FHIT: variants seen among roughly 807,000 people sequenced by gnomAD.
The protein encoded by FHIT is fragile histidine triad diadenosine triphosphatase.
FHIT carries 19 observed loss-of-function variants against 17.9 expected under a neutral mutation model. That is an observed-to-expected ratio of 1.06 (90% CI 0.74 to 1.56). The LOEUF is 1.56. Among genes scored for constraint, FHIT ranks in the 40% most tolerant of loss-of-function variants. The probability of loss-of-function intolerance (pLI) is 0.00; values close to 1 mark genes in which losing one functional copy is unlikely to be tolerated. For synonymous variants in FHIT, 81 were observed against 69.7 expected, an observed-to-expected ratio of 1.16 and a Z score of -0.81; for missense variants, 248 against 189.2, an observed-to-expected ratio of 1.31 and a Z score of -1.82.
At chr3:60,176,505 A>G (rs560698574) in intron 5 of FHIT, among the ~76,000 whole-genome samples, 91 of 152,350 alleles carry the variant, frequency 6.0e-4, no homozygotes, top group Middle Eastern at 6.8e-3. Flanking sequence ...AAGCATGTGT[A>G]GTACAGGCAT....
At chr3:60,405,230 C>G (rs755229190) in intron 5 of FHIT, among the ~76,000 whole-genome samples, 5 of 152,218 alleles carry the variant, frequency 3.3e-5, no homozygotes, top group Non-Finnish European at 5.9e-5. Flanking sequence ...TGAACCCACC[C>G]TTCACCTATT....
intron 2 of FHIT, among the ~76,000 whole-genome samples, chr3:61,157,973 G>A (rs919814283): frequency 3.9e-5 from 6 of 152,078 alleles, no homozygotes; most frequent in African/African-American, 1.4e-4. Context: ...GTTTATGCCT[G>A]TTATATTATG....
chr3:60,567,137 A>G (rs1313141752), intron 4 of FHIT, among the ~76,000 whole-genome samples: 1 of 152,078 alleles, frequency 6.6e-6, no homozygotes, highest in Non-Finnish European at 1.5e-5. Context: ...ACCAAAAAAG[A>G]GCCCACACTG....
At position 60,622,728 on chromosome 3, in the gene FHIT, C is replaced by T. The variant is rs561261351; in HGVS notation, c.-17-85749G>A. Among the ~76,000 whole-genome samples the T allele has an allele frequency of 9.2e-5, 14 of 152,274 alleles. 1 individual carries two copies. In the East Asian group the frequency reaches 9.7e-4, roughly 11 times the overall value. ...TTGGGGTTTTTTGGTTGGAGGGAGG[C>T]ATTTCTAGAGAAAGCATGCCTGCTT... On this transcript the variant is annotated intron_variant, in intron 4 of 9. Coordinates refer to ENST00000492590, the MANE Select transcript of FHIT (RefSeq NM_002012.4).
At chr3:59,933,896 A>G (rs1706095769) in intron 7 of FHIT, among the ~76,000 whole-genome samples, 1 of 152,202 alleles carries the variant, frequency 6.6e-6, no homozygotes, top group African/African-American at 2.4e-5. Flanking sequence ...GAAAGTTTTT[A>G]AAGAATGGGC....
chr3:60,271,618 G>A lies in FHIT; in HGVS notation c.104-257466C>T, dbSNP rs151107032. On this transcript the variant is annotated intron_variant, in intron 5 of 9. Coordinates refer to ENST00000492590, the MANE Select transcript of FHIT (RefSeq NM_002012.4). ...TGTCTCTATGCACTATCAAGTGCAC[G>A]GAAAGTATAGAGGTCAATGTATGGC... Among the ~76,000 whole-genome samples the A allele has an allele frequency of 3.2e-3, 487 of 152,202 alleles. 5 individuals carry two copies. Among genetic ancestry groups the A allele is most frequent in the Middle Eastern group, 6.8e-3 (2 of 294 alleles).
At chr3:60,794,483 G>A (rs540141807) in intron 4 of FHIT, among the ~76,000 whole-genome samples, 13 of 152,154 alleles carry the variant, frequency 8.5e-5, no homozygotes, top group East Asian at 3.9e-4. Context: ...GAAATAGGCT[G>A]TCTTATACTT....
chr3:60,862,641 G>T (rs1166090558), intron 3 of FHIT, among the ~76,000 whole-genome samples: 1 of 152,100 alleles, frequency 6.6e-6, no homozygotes, highest in Non-Finnish European at 1.5e-5. Flanking sequence ...CTTGAGGTCA[G>T]AAGTTGAAGA....
intron 5 of FHIT, among the ~76,000 whole-genome samples, chr3:60,523,575 A>G (rs1229217816): frequency 2.0e-5 from 3 of 152,200 alleles, no homozygotes; most frequent in Non-Finnish European, 4.4e-5. Flanking sequence ...TAAAGCCATA[A>G]AAACTTGACT....
At chr3:60,533,214 C>T (rs771549958) in intron 5 of FHIT, among the ~76,000 whole-genome samples, 1 of 152,172 alleles carries the variant, frequency 6.6e-6, no homozygotes, top group Non-Finnish European at 1.5e-5. Context: ...GGACATGATA[C>T]TGAAACATCT....
Position 59,922,417 on chromosome 3 carries a change from G to T in FHIT, c.280-3C>A. On this transcript the variant is annotated splice_region_variant and splice_polypyrimidine_tract_variant and intron_variant, in intron 7 of 9. Transcript: ENST00000492590. The stretch of plus-strand genomic sequence containing the variant: ...GGAAGAACATGGACGTGAACGTGCT[G>T]AAAATGTACAAGAAAGAAAAAAAAT... The T allele has an allele frequency of 6.2e-7, 1 of 1,612,250 alleles. No homozygotes were observed. The highest frequency in any genetic ancestry group is 8.5e-7 in the Non-Finnish European group (1 of 1,178,980).
intron 4 of FHIT, among the ~76,000 whole-genome samples, chr3:60,767,385 A>G (rs2108066879): frequency 6.6e-6 from 1 of 152,262 alleles, no homozygotes; most frequent in African/African-American, 2.4e-5. Flanking sequence ...ATTTTATTTA[A>G]TTCTTACATC....
At chr3:60,463,242 A>T (rs1305975336) in intron 5 of FHIT, among the ~76,000 whole-genome samples, 2 of 152,252 alleles carry the variant, frequency 1.3e-5, no homozygotes, top group Admixed American at 6.5e-5. Context: ...AGAAGGAAAA[A>T]AAAATCCTGT....
At chr3:60,072,293 A>G (rs944632439) in intron 5 of FHIT, among the ~76,000 whole-genome samples, 1 of 152,164 alleles carries the variant, frequency 6.6e-6, no homozygotes, top group Non-Finnish European at 1.5e-5. Context: ...AATGGCTAGG[A>G]AAGACTCCTT....
At chr3:60,983,849 C>T (rs988088122) in intron 3 of FHIT, among the ~76,000 whole-genome samples, 2 of 152,156 alleles carry the variant, frequency 1.3e-5, no homozygotes, top group African/African-American at 4.8e-5. Context: ...CAAGTACAGC[C>T]TCAAAACACT....
intron 5 of FHIT, among the ~76,000 whole-genome samples, chr3:60,181,284 T>A (rs1437354260): frequency 6.6e-6 from 1 of 152,018 alleles, no homozygotes; most frequent in African/African-American, 2.4e-5. Flanking sequence ...TAGCTGGGAT[T>A]ACAGGTGCCC....
intron 7 of FHIT, among the ~76,000 whole-genome samples, chr3:59,966,837 G>T (rs1013238131): frequency 6.6e-6 from 1 of 151,996 alleles, no homozygotes; most frequent in Non-Finnish European, 1.5e-5. Flanking sequence ...GTATACTTAG[G>T]CTATACTAAA....
intron 4 of FHIT, among the ~76,000 whole-genome samples, chr3:60,549,863 G>C (rs957143641): frequency 6.6e-6 from 1 of 152,128 alleles, no homozygotes; most frequent in Non-Finnish European, 1.5e-5. Context: ...ATTATGGCCA[G>C]GAATATTAAG....
intron 4 of FHIT, among the ~76,000 whole-genome samples, chr3:60,768,927 A>G (rs1393684764): frequency 1.3e-5 from 2 of 152,180 alleles, no homozygotes; most frequent in African/African-American, 2.4e-5. Context: ...GACCCCATCT[A>G]TCATAGAGGA....
Sources: allele counts gnomAD v4.1 joint callset (sites outside exome capture counted in the v4.1 genomes callset), GRCh38; gene constraint gnomAD v4.1.1; transcripts MANE v1.5; gene names NCBI Gene and HGNC (gene_info 2026-07-23, HGNC 2026-07-21).